Variants in FAM83B observed in about 807,000 individuals in gnomAD.
The protein encoded by FAM83B is scaffolding CK1 anchoring protein B.
Under a neutral mutation model 38.8 loss-of-function variants are expected in FAM83B, and 26 were observed. That is an observed-to-expected ratio of 0.67 (90% CI 0.49 to 0.93). The LOEUF (loss-of-function observed/expected upper bound fraction) is 0.93, where lower values mean the gene tolerates loss of function less well. Among genes scored for constraint, FAM83B ranks in the 40% least tolerant of loss-of-function variants. FAM83B has a pLI of 0.00. For synonymous variants in FAM83B, 419 were observed against 423.1 expected (o/e 0.99, Z 0.12); for missense variants, 1,237 against 1,197.3 (o/e 1.03, Z -0.49).
chr6:54,907,248 T>C (rs563818062), intron 2 of FAM83B, among the ~76,000 whole-genome samples: 71 of 152,322 alleles, frequency 4.7e-4, no homozygotes, highest in Admixed American at 4.6e-3. Flanking sequence ...AATTAAAGAT[T>C]ATTCTTATTG....
chr6:54,879,807 A>G (rs1432755287), intron 2 of FAM83B, among the ~76,000 whole-genome samples: 1 of 152,172 alleles, frequency 6.6e-6, no homozygotes, highest in Non-Finnish European at 1.5e-5. Context: ...ATACAGAAGA[A>G]TGTAAGACAG....
At position 54,907,484 on chromosome 6, in the gene FAM83B, C is replaced by T. The variant is rs114054762; in HGVS notation, c.445-18887C>T. Among the ~76,000 whole-genome samples, 991 of 152,178 alleles carry T rather than the reference C, an allele frequency of 6.5e-3. 15 individuals are homozygous for T. The highest frequency in any genetic ancestry group is 0.023 in the African/African-American group (946 of 41,530). On this transcript the variant is annotated intron_variant, in intron 2 of 4. Transcript: ENST00000306858. Reference sequence around the variant, plus strand: ...CACTGCATCTCTTCAGTTCTTTATTCTCTTTGCTCTCACTTGATCTTTACT... The same window carrying T: ...CACTGCATCTCTTCAGTTCTTTATTTTCTTTGCTCTCACTTGATCTTTACT...
chr6:54,879,258 A>G (rs1427144965), intron 2 of FAM83B, among the ~76,000 whole-genome samples: 2 of 152,218 alleles, frequency 1.3e-5, no homozygotes, highest in Non-Finnish European at 2.9e-5. Context: ...CTGAGGACCT[A>G]GTTGTAAGTA....
rs1773688844 is a variant in FAM83B, at chr6:54,941,381, T to C, written c.2410T>C (p.Ser804Pro). The change falls in exon 5 of 5, where the codon TCT becomes CCT. Residue 804 changes from serine to proline, a missense_variant. Transcript: ENST00000306858. ...TGCCTTTTATAGATTGTGTAGTAGC[T>C]CTGACACATTAGTTTCTGAGGGTGA... ...APAFYRLCSS[S>P]DTLVSEGEEN... The C allele has an allele frequency of 1.9e-6, 3 of 1,613,404 alleles. No homozygotes were observed. Among genetic ancestry groups the C allele is most frequent in the Non-Finnish European group, 2.5e-6 (3 of 1,179,884 alleles).
intron 2 of FAM83B, among the ~76,000 whole-genome samples, chr6:54,876,735 A>C (rs1295969522): frequency 1.3e-5 from 2 of 152,136 alleles, no homozygotes; most frequent in Non-Finnish European, 2.9e-5. Context: ...ATATATATAT[A>C]AAATAAGCAG....
At chr6:54,915,549 G>A (rs1773015567) in intron 2 of FAM83B, among the ~76,000 whole-genome samples, 1 of 139,634 alleles carries the variant, frequency 7.2e-6, no homozygotes, top group Non-Finnish European at 1.5e-5. Flanking sequence ...GCTCACGCCT[G>A]TAATCCCAGC....
intron 2 of FAM83B, among the ~76,000 whole-genome samples, chr6:54,896,484 C>G (rs239850): frequency 0.62 from 94,906 of 151,990 alleles, 31,673 homozygotes; most frequent in East Asian, 0.86. Context: ...TCCACACCCA[C>G]ATCAGATTAT....
At chr6:54,854,579 C>T (rs746535838) in intron 1 of FAM83B, among the ~76,000 whole-genome samples, 1 of 152,172 alleles carries the variant, frequency 6.6e-6, no homozygotes, top group African/African-American at 2.4e-5. Flanking sequence ...TATCTTTTGA[C>T]TAAGGTTGTT....
intron 4 of FAM83B, among the ~76,000 whole-genome samples, chr6:54,937,544 A>G (rs1228535534): frequency 6.6e-6 from 1 of 152,096 alleles, no homozygotes. Context: ...AATTACACTT[A>G]TTGAGTAAAC....
Position 54,906,272 on chromosome 6 carries a change from A to G in FAM83B, c.445-20099A>G, listed in dbSNP as rs562760069. Among the ~76,000 whole-genome samples, 3 of 152,270 alleles carry G rather than the reference A, an allele frequency of 2.0e-5. No homozygotes were observed. In the East Asian group the frequency reaches 5.8e-4, roughly 29 times the overall value. ...AAAAGTGCCAGAATCTGTGACAATT[A>G]CCCTATATAGTTAACATACATGAAA... On this transcript the variant is annotated intron_variant, in intron 2 of 4. Coordinates refer to ENST00000306858, the MANE Select transcript of FAM83B (RefSeq NM_001010872.3).
At chr6:54,906,496 TG>T (rs1385093078) in intron 2 of FAM83B, among the ~76,000 whole-genome samples, 1 of 152,178 alleles carries the variant, frequency 6.6e-6, no homozygotes, top group Non-Finnish European at 1.5e-5. Flanking sequence ...GCGATTCTCC[TG>T]CCTCAGCCTC....
chr6:54,855,146 T>A (rs189246004), intron 1 of FAM83B, among the ~76,000 whole-genome samples: 33 of 152,278 alleles, frequency 2.2e-4, no homozygotes, highest in Non-Finnish European at 7.4e-5. Context: ...TAAAAAGAAA[T>A]ACAGTGATAT....
Position 54,850,972 on chromosome 6 carries a change from C to G in FAM83B, c.-61+4146C>G, listed in dbSNP as rs563055336. On this transcript the variant is annotated intron_variant, in intron 1 of 4. Coordinates refer to ENST00000306858, the MANE Select transcript of FAM83B (RefSeq NM_001010872.3). ...GGCAGAGCTTGCAGTGAGCCCAGGT[C>G]GCGCCACTGCACTCCAGCCTGGGTG... Among the ~76,000 whole-genome samples, 14 of 141,114 alleles carry G rather than the reference C, an allele frequency of 9.9e-5. No homozygotes were observed. The South Asian group carries it at 3.2e-3, about 32-fold the overall frequency. 92.6% of individuals were successfully genotyped at this position (141,114 alleles called of 152,430 possible).
In FAM83B at chr6:54,870,540, T is replaced by C; in HGVS notation, c.294T>C (p.Asp98=). 1.2e-6 allele frequency: 2 copies of C among 1,614,104 alleles called. No individual in the cohort carries two copies. Among genetic ancestry groups the C allele is most frequent in the Non-Finnish European group, 8.5e-7 (1 of 1,179,988 alleles). ...SSGTYWPVES[D]VEAPNLDLGW... The stretch of plus-strand genomic sequence containing the variant: ...GGACCTACTGGCCTGTTGAGTCTGA[T>C]GTGGAAGCTCCAAATCTTGACTTAG... The change falls in exon 2 of 5, where the codon GAT becomes GAC. Residue 98 remains aspartate (D), a synonymous_variant. Transcript: ENST00000306858.
chr6:54,876,051 C>G (rs1245103674), intron 2 of FAM83B, among the ~76,000 whole-genome samples: 1 of 152,012 alleles, frequency 6.6e-6, no homozygotes, highest in African/African-American at 2.4e-5. Context: ...ATGTTTTACT[C>G]TGCAGTGTAT....
At chr6:54,881,913 T>A (rs1045384603) in intron 2 of FAM83B, among the ~76,000 whole-genome samples, 3 of 152,282 alleles carry the variant, frequency 2.0e-5, no homozygotes, top group East Asian at 3.9e-4. Context: ...TCCCTCCCCC[T>A]TCCCCCTGCC....
chr6:54,941,483 T>C lies in FAM83B; in HGVS notation c.2512T>C (p.Ser838Pro), dbSNP rs774908652. The C allele has an allele frequency of 9.3e-6, 15 of 1,613,880 alleles. No homozygotes were observed. The highest frequency in any genetic ancestry group is 8.3e-5 in the Admixed American group (5 of 59,938). The change falls in exon 5 of 5, where the codon TCT (serine) becomes CCT (proline). Residue 838 changes from serine to proline, a missense_variant. Physicochemically the swap from Ser to Pro is moderately conservative, Grantham distance 74. Transcript: ENST00000306858. Reference sequence around the variant, plus strand: ...AAGAAAGCATTCTTCCTCATCGAATTCTCAAGGCAGCATCCACAAGAGTAA... The same window carrying C: ...AAGAAAGCATTCTTCCTCATCGAATCCTCAAGGCAGCATCCACAAGAGTAA... ...PRRKHSSSSN[S>P]QGSIHKSKED...
chr6:54,909,525 TATTC>T (rs1324026717), intron 2 of FAM83B, among the ~76,000 whole-genome samples: 7 of 152,176 alleles, frequency 4.6e-5, no homozygotes, highest in African/African-American at 1.7e-4. Flanking sequence ...AAAGATGAAA[TATTC>T]ATTAAATATA....
At chr6:54,861,344 C>T (rs1771577257) in intron 1 of FAM83B, among the ~76,000 whole-genome samples, 1 of 152,180 alleles carries the variant, frequency 6.6e-6, no homozygotes, top group Admixed American at 6.5e-5. Flanking sequence ...TACTTGAGCC[C>T]AGGAGTTTGA....
Sources: allele counts gnomAD v4.1 joint callset (sites outside exome capture counted in the v4.1 genomes callset), GRCh38; gene constraint gnomAD v4.1.1; transcripts MANE v1.5; gene names NCBI Gene and HGNC (gene_info 2026-07-23, HGNC 2026-07-21).